ATP2B2: variants seen among roughly 807,000 people sequenced by gnomAD.
The protein encoded by ATP2B2 is ATPase plasma membrane Ca2+ transporting 2.
Under a neutral mutation model 120.0 loss-of-function variants are expected in ATP2B2, and 15 were observed. That is an observed-to-expected ratio of 0.12 (90% confidence interval 0.08 to 0.19). ATP2B2 has a LOEUF of 0.19. Ranked by LOEUF, ATP2B2 falls within the 10% of genes least tolerant of loss-of-function variation. The pLI is 1.00. For missense variants in ATP2B2, 1,045 were observed against 1,719.8 expected (o/e 0.61, Z 6.94); for synonymous variants, 694 against 700.3 (o/e 0.99, Z 0.14).
intron 2 of ATP2B2, among the ~76,000 whole-genome samples, chr3:10,568,100 A>C (rs964865310): frequency 6.6e-6 from 1 of 152,172 alleles, no homozygotes; most frequent in Non-Finnish European, 1.5e-5. Context: ...AAGAACAAAG[A>C]GGGCGAGCCT....
chr3:10,340,375 AG>A lies in ATP2B2; in HGVS notation c.3130-27del. 1 of 1,311,516 alleles carries A rather than the reference AG, an allele frequency of 7.6e-7. No homozygotes were observed. 81.2% of individuals were successfully genotyped at this position (1,311,516 alleles called of 1,614,324 possible). ...CTGGAGGTCACAGGGGAGCAGAGAA[AG>A]AGAGAGAGAGAGGCCATCAGGGACC... is the stretch of plus-strand genomic sequence containing the variant. On this transcript the variant is annotated intron_variant, in intron 20 of 22. Coordinates refer to ENST00000360273, the MANE Select transcript of ATP2B2 (RefSeq NM_001001331.4). The surrounding 1 kb of genome is among the most constrained non-coding windows in gnomAD (Gnocchi z 5.0).
chr3:10,439,375 G>T (rs2063579538), intron 2 of ATP2B2, among the ~76,000 whole-genome samples: 1 of 152,156 alleles, frequency 6.6e-6, no homozygotes, highest in Non-Finnish European at 1.5e-5. Context: ...AGTCAGGCTG[G>T]TCTCCGCCCC....
intron 3 of ATP2B2, among the ~76,000 whole-genome samples, chr3:10,511,247 C>T (rs1232177628): frequency 6.6e-6 from 1 of 152,166 alleles, no homozygotes. Flanking sequence ...TCCATGAAGC[C>T]TTCCTTGATT....
intron 1 of ATP2B2, among the ~76,000 whole-genome samples, chr3:10,452,242 G>A (rs1369382932): frequency 6.6e-6 from 1 of 152,256 alleles, no homozygotes; most frequent in Non-Finnish European, 1.5e-5. Flanking sequence ...AGAAGGGCCT[G>A]GCAGGGGCCT....
chr3:10,440,768 C>T (rs757080707), intron 2 of ATP2B2, among the ~76,000 whole-genome samples: 17 of 152,138 alleles, frequency 1.1e-4, no homozygotes, highest in Non-Finnish European at 2.1e-4. Flanking sequence ...AGCAGCAGAC[C>T]GAGGAGGTCA....
At chr3:10,389,887 C>G (rs893567262) in intron 5 of ATP2B2, among the ~76,000 whole-genome samples, 1 of 152,222 alleles carries the variant, frequency 6.6e-6, no homozygotes, top group East Asian at 1.9e-4. Flanking sequence ...GGGAAGTAGA[C>G]AGCAGCTATG....
chr3:10,686,604 A>G (rs529344804), intron 1 of ATP2B2, among the ~76,000 whole-genome samples: 1 of 152,184 alleles, frequency 6.6e-6, no homozygotes, highest in African/African-American at 2.4e-5. Context: ...CAGTGAGCCA[A>G]GATCATGCCA....
chr3:10,440,728 C>T (rs1229946929), intron 2 of ATP2B2, among the ~76,000 whole-genome samples: 1 of 152,192 alleles, frequency 6.6e-6, no homozygotes, highest in African/African-American at 2.4e-5. Context: ...AGAACATTTC[C>T]TCTTGCAGTA....
At chr3:10,365,504 G>C (rs888054261) in intron 12 of ATP2B2, among the ~76,000 whole-genome samples, 1 of 152,126 alleles carries the variant, frequency 6.6e-6, no homozygotes, top group Non-Finnish European at 1.5e-5. Flanking sequence ...GCGGGTGTCC[G>C]GGACGACAGA....
chr3:10,501,320 T>A (rs1381751581), intron 1 of ATP2B2, among the ~76,000 whole-genome samples: 1 of 151,572 alleles, frequency 6.6e-6, no homozygotes. Flanking sequence ...GAAGCCACAC[T>A]GCCCAGCAGG....
intron 1 of ATP2B2, among the ~76,000 whole-genome samples, chr3:10,650,667 G>C: frequency 6.6e-6 from 1 of 152,204 alleles, no homozygotes. Flanking sequence ...AGGCCTAGGA[G>C]GAAAAGATGG....
chr3:10,652,468 C>A (rs1575593917), intron 1 of ATP2B2, among the ~76,000 whole-genome samples: 3 of 152,314 alleles, frequency 2.0e-5, no homozygotes, highest in Admixed American at 2.0e-4. Context: ...TAACACCATG[C>A]ATTGATGTTA....
intron 12 of ATP2B2, among the ~76,000 whole-genome samples, chr3:10,361,311 C>T (rs146638315): frequency 6.6e-6 from 1 of 152,346 alleles, no homozygotes; most frequent in African/African-American, 2.4e-5. Context: ...AGCCACCATG[C>T]CCGGCTGTAA....
intron 1 of ATP2B2, among the ~76,000 whole-genome samples, chr3:10,696,915 C>T (rs1212386216): frequency 6.6e-6 from 1 of 152,184 alleles, no homozygotes; most frequent in Non-Finnish European, 1.5e-5. Flanking sequence ...AAACCAATAA[C>T]AACACTATTG....
chr3:10,675,148 T>C (rs184176618), intron 1 of ATP2B2, among the ~76,000 whole-genome samples: 55 of 152,354 alleles, frequency 3.6e-4, no homozygotes, highest in Admixed American at 1.2e-3. Flanking sequence ...AAACATTTTA[T>C]TGAACTAGCC....
In ATP2B2 at chr3:10,359,892, C is replaced by A. The variant is rs61736451; in HGVS notation, c.1891G>T (p.Val631Leu). Residue 631 changes from valine (V) to leucine (L), a missense_variant, in exon 13 of 23, where the codon GTG becomes TTG. Val to Leu is a conservative substitution (Grantham distance 32, BLOSUM62 1). Transcript: ENST00000360273. ...CTGCCCAGCGCTTACTTCTTGAGCA[C>A]GATCTCAGAAGCCCCCTTGCTGTAC... ...RMYSKGASEIVLKKCCKILNG... is the reference protein window; with the variant it reads ...RMYSKGASEILLKKCCKILNG... 2.5e-6 allele frequency: 4 copies of A among 1,614,112 alleles called. No individual in the cohort carries two copies. The highest frequency in any genetic ancestry group is 2.2e-5 in the South Asian group (2 of 91,090).
intron 1 of ATP2B2, among the ~76,000 whole-genome samples, chr3:10,628,735 C>T (rs1352570507): frequency 6.6e-6 from 1 of 152,200 alleles, no homozygotes; most frequent in Admixed American, 6.5e-5. Context: ...AAGGCAGTCA[C>T]CACGGTAGGG....
intron 2 of ATP2B2, among the ~76,000 whole-genome samples, chr3:10,442,162 G>A (rs982537492): frequency 6.6e-6 from 1 of 152,096 alleles, no homozygotes; most frequent in African/African-American, 2.4e-5. Flanking sequence ...GTAGTTTTGG[G>A]ACTCAGGCCT....
At chr3:10,479,793 T>C (rs1233942730) in intron 1 of ATP2B2, among the ~76,000 whole-genome samples, 1 of 152,126 alleles carries the variant, frequency 6.6e-6, no homozygotes, top group South Asian at 2.1e-4. Context: ...CTAATTTGCA[T>C]TGAATAAAAA....
Sources: allele counts gnomAD v4.1 joint callset (sites outside exome capture counted in the v4.1 genomes callset), GRCh38; gene constraint gnomAD v4.1.1; non-coding constraint Gnocchi (gnomAD v3.1); transcripts MANE v1.5; gene names NCBI Gene and HGNC (gene_info 2026-07-23, HGNC 2026-07-21).